LINGO2: variants seen among roughly 807,000 people sequenced by gnomAD.
LINGO2 encodes leucine rich repeat and Ig domain containing 2.
Under a neutral mutation model 30.6 loss-of-function variants are expected in LINGO2, and 14 were observed. The ratio of observed to expected loss-of-function variants is 0.46; its 90% CI spans 0.30 to 0.72. LINGO2 has a LOEUF of 0.72. Among genes scored for constraint, LINGO2 ranks in the 30% least tolerant of loss-of-function variants. The probability of loss-of-function intolerance (pLI) is 0.07; values close to 1 mark genes in which losing one functional copy is unlikely to be tolerated. For synonymous variants in LINGO2, 317 were observed against 288.5 expected (o/e 1.10, Z -1.00); for missense variants, 729 against 751.7 (o/e 0.97, Z 0.35).
chr9:28,669,814 T>C (rs1828945869), intron 1 of LINGO2, among the ~76,000 whole-genome samples: 1 of 152,074 alleles, frequency 6.6e-6, no homozygotes, highest in Non-Finnish European at 1.5e-5. Flanking sequence ...ATTGTATGAT[T>C]GTATGTATTA....
chr9:28,983,745 T>C, the LINGO2 span, among the ~76,000 whole-genome samples: 1 of 151,778 alleles, frequency 6.6e-6, no homozygotes, highest in East Asian at 1.9e-4. Context: ...GCTCATAGAG[T>C]TCAAAAATCT....
chr9:28,061,935 C>A (rs1007669018), intron 4 of LINGO2, among the ~76,000 whole-genome samples: 6 of 152,010 alleles, frequency 3.9e-5, no homozygotes, highest in Admixed American at 1.3e-4. Context: ...ATGCATTTTT[C>A]ACAGTGCCTG....
At chr9:28,346,478 G>T (rs1819574650) in intron 3 of LINGO2, among the ~76,000 whole-genome samples, 1 of 152,102 alleles carries the variant, frequency 6.6e-6, no homozygotes, top group African/African-American at 2.4e-5. Flanking sequence ...TTGCTATTGT[G>T]AATAGTGCTG....
At chr9:28,837,649 A>AATAAATATATATATATAT in the LINGO2 span, among the ~76,000 whole-genome samples, 1 of 75,792 alleles carries the variant, frequency 1.3e-5, no homozygotes, top group African/African-American at 5.2e-5. Context: ...CTCCGTCTAA[A>AATAAATATATATATATAT]ATATATATAT....
upstream of LINGO2, among the ~76,000 whole-genome samples, chr9:28,671,332 T>C (rs966671756): frequency 1.3e-5 from 2 of 151,940 alleles, no homozygotes; most frequent in Non-Finnish European, 2.9e-5. Context: ...CTGATGATAA[T>C]AGCAAAGACC....
intron 4 of LINGO2, among the ~76,000 whole-genome samples, chr9:28,235,982 A>T (rs1821549754): frequency 1.3e-5 from 2 of 152,144 alleles, no homozygotes; most frequent in South Asian, 4.1e-4. Flanking sequence ...CACAAGAGGG[A>T]AACAGAACAA....
intron 1 of LINGO2, among the ~76,000 whole-genome samples, chr9:28,637,505 G>A (rs1212192041): frequency 6.6e-6 from 1 of 152,104 alleles, no homozygotes; most frequent in African/African-American, 2.4e-5. Context: ...GTTGAGCAGT[G>A]TTTTGTAATT....
chr9:28,712,637 T>C, the LINGO2 span, among the ~76,000 whole-genome samples: 10 of 151,690 alleles, frequency 6.6e-5, no homozygotes, highest in Admixed American at 2.0e-4. Flanking sequence ...ACTAGACATA[T>C]ACAGCATGTA....
intron 4 of LINGO2, among the ~76,000 whole-genome samples, chr9:28,119,450 G>C (rs7861513): frequency 2.0e-5 from 3 of 152,178 alleles, no homozygotes; most frequent in African/African-American, 7.2e-5. Context: ...ACTTGGGCAG[G>C]TTAATACAGT....
At chr9:28,928,804 G>C in the LINGO2 span, among the ~76,000 whole-genome samples, 1 of 152,142 alleles carries the variant, frequency 6.6e-6, no homozygotes, top group Non-Finnish European at 1.5e-5. Context: ...AGGAATCTAA[G>C]AATAGCCTTT....
At chr9:28,616,956 GT>G (rs1019743770) in intron 1 of LINGO2, among the ~76,000 whole-genome samples, 9 of 151,792 alleles carry the variant, frequency 5.9e-5, no homozygotes, top group Admixed American at 2.6e-4. Flanking sequence ...ATGTTTGTTT[GT>G]TTTTTTTCTT....
the LINGO2 span, among the ~76,000 whole-genome samples, chr9:28,995,794 C>T: frequency 6.6e-6 from 1 of 151,924 alleles, no homozygotes; most frequent in East Asian, 1.9e-4. Context: ...ACCGCATGTT[C>T]TCACTCATAG....
At chr9:29,114,216 A>G in the LINGO2 span, among the ~76,000 whole-genome samples, 1 of 151,542 alleles carries the variant, frequency 6.6e-6, no homozygotes, top group Non-Finnish European at 1.5e-5. Context: ...TATTGAGTGG[A>G]GTCACTGTGG....
intron 4 of LINGO2, among the ~76,000 whole-genome samples, chr9:28,282,686 G>A (rs572508815): frequency 6.6e-4 from 100 of 152,214 alleles, no homozygotes; most frequent in African/African-American, 2.4e-3. Flanking sequence ...ACTATGCCCT[G>A]GAGATGTTCA....
At chr9:28,548,129 C>G (rs1025857403) in intron 1 of LINGO2, among the ~76,000 whole-genome samples, 1 of 152,018 alleles carries the variant, frequency 6.6e-6, no homozygotes, top group Non-Finnish European at 1.5e-5. Context: ...TTTAAGGAAC[C>G]GTAATAAGCC....
At chr9:29,057,107 AT>A in the LINGO2 span, among the ~76,000 whole-genome samples, 71 of 149,260 alleles carry the variant, frequency 4.8e-4, 1 homozygote, top group East Asian at 9.8e-3. Context: ...GAATTTTAAG[AT>A]TTTTTTTTTC....
At chr9:29,006,832 C>T in the LINGO2 span, among the ~76,000 whole-genome samples, 13 of 152,070 alleles carry the variant, frequency 8.5e-5, no homozygotes, top group East Asian at 1.9e-4. Context: ...AGCTGTAAAA[C>T]GGAGGCTGTA....
At chr9:27,954,958 T>C (rs1224357375) in intron 5 of LINGO2, among the ~76,000 whole-genome samples, 2 of 152,226 alleles carry the variant, frequency 1.3e-5, no homozygotes, top group Non-Finnish European at 2.9e-5. Flanking sequence ...TGGGGTAAGA[T>C]GATCTCTCAA....
chr9:28,477,865 CT>C (rs1825790248), intron 1 of LINGO2, among the ~76,000 whole-genome samples: 1 of 152,170 alleles, frequency 6.6e-6, no homozygotes, highest in Admixed American at 6.5e-5. Context: ...TCTACAACTT[CT>C]GAAATGAGCT....
Sources: gnomAD v4.1 joint callset for allele counts (sites outside exome capture counted in the v4.1 genomes callset) on GRCh38, gnomAD v4.1.1 for gene constraint, MANE v1.5 for transcripts, NCBI Gene and HGNC (gene_info 2026-07-23, HGNC 2026-07-21) for gene names.